The following RPS6KC1 variants were observed in gnomAD, a reference collection of about 807,000 sequenced individuals.
RPS6KC1 encodes the protein ribosomal protein S6 kinase C1, also known as inactive ribosomal protein S6 kinase delta-1.
RPS6KC1 carries 54 observed loss-of-function variants against 103.8 expected under a neutral mutation model. The observed-to-expected ratio is 0.52, with a 90% CI of 0.42 to 0.65. The LOEUF is 0.65. Among genes scored for constraint, RPS6KC1 ranks in the 30% least tolerant of loss-of-function variants. RPS6KC1 has a pLI of 0.00. For synonymous variants in RPS6KC1, 439 were observed against 438.7 expected, an observed-to-expected ratio of 1.00 and a Z score of -0.01; for missense variants, 1,151 against 1,253.8, an observed-to-expected ratio of 0.92 and a Z score of 1.24.
chr1:213,241,273 A>G lies in RPS6KC1; in HGVS notation c.1797A>G (p.Glu599=). 6.2e-7 allele frequency: 1 copy of G among 1,613,906 alleles called. No homozygotes were observed. Among genetic ancestry groups the G allele is most frequent in the South Asian group, 1.1e-5 (1 of 91,068 alleles). ...SLSRSKNSPM[E]FFRIDSKDSA... ...GTAGATCAAAAAATAGCCCCATGGA[A>G]TTCTTTAGGATAGACAGTAAGGATA... The change falls in exon 11 of 15, where the codon GAA becomes GAG. Residue 599 remains glutamate (E), a synonymous_variant. Transcript: ENST00000366960.
intron 6 of RPS6KC1, among the ~76,000 whole-genome samples, chr1:213,165,020 C>A (rs1392975829): frequency 6.6e-6 from 1 of 151,736 alleles, no homozygotes; most frequent in Non-Finnish European, 1.5e-5. Flanking sequence ...CAATTAAAAT[C>A]TGTTTAAAGT....
At chr1:213,125,528 C>T (rs2084880323) in intron 5 of RPS6KC1, among the ~76,000 whole-genome samples, 1 of 151,768 alleles carries the variant, frequency 6.6e-6, no homozygotes. Flanking sequence ...TTTTGATATG[C>T]ATTGGCAAAT....
At chr1:213,363,760 TTC>T in the RPS6KC1 span, among the ~76,000 whole-genome samples, 1 of 7,544 alleles carries the variant, frequency 1.3e-4, no homozygotes, top group Admixed American at 2.3e-3. Context: ...TCTTTCTCTC[TTC>T]TTTCTTTCTT....
chr1:213,690,253 T>A, the RPS6KC1 span, among the ~76,000 whole-genome samples: 5 of 152,308 alleles, frequency 3.3e-5, no homozygotes, highest in East Asian at 9.6e-4. Context: ...CTCAGAACAA[T>A]GCTCAAGAAA....
the RPS6KC1 span, among the ~76,000 whole-genome samples, chr1:213,331,318 C>T: frequency 6.6e-6 from 1 of 152,204 alleles, no homozygotes; most frequent in Non-Finnish European, 1.5e-5. Flanking sequence ...GGAGGGGTCT[C>T]CTTGTGCTGG....
chr1:213,170,548 T>G (rs757674608), intron 7 of RPS6KC1, among the ~76,000 whole-genome samples: 14 of 152,222 alleles, frequency 9.2e-5, no homozygotes, highest in Non-Finnish European at 1.3e-4. Flanking sequence ...GTTACACTGG[T>G]AAGAGCCATC....
the RPS6KC1 span, among the ~76,000 whole-genome samples, chr1:213,542,453 C>G: frequency 6.6e-6 from 1 of 152,192 alleles, no homozygotes; most frequent in Admixed American, 6.5e-5. Flanking sequence ...TGGTACAACA[C>G]AGGTGGCATC....
At chr1:213,676,701 C>T in the RPS6KC1 span, among the ~76,000 whole-genome samples, 6 of 152,294 alleles carry the variant, frequency 3.9e-5, no homozygotes, top group South Asian at 4.1e-4. Flanking sequence ...TGTGGAGCTA[C>T]GTTTAAAAGT....
the RPS6KC1 span, among the ~76,000 whole-genome samples, chr1:213,734,421 A>G: frequency 6.8e-6 from 1 of 146,168 alleles, no homozygotes; most frequent in African/African-American, 2.6e-5. Context: ...AGCTTTTACT[A>G]ATATGTTACA....
At chr1:213,492,768 G>T in the RPS6KC1 span, among the ~76,000 whole-genome samples, 1 of 152,162 alleles carries the variant, frequency 6.6e-6, no homozygotes, top group Non-Finnish European at 1.5e-5. Flanking sequence ...GAACAATTCT[G>T]TCCCCATGTT....
the RPS6KC1 span, among the ~76,000 whole-genome samples, chr1:213,796,634 G>T: frequency 6.6e-6 from 1 of 152,138 alleles, no homozygotes. Flanking sequence ...TCTTGTGGAC[G>T]TGAACATTTC....
At chr1:213,602,171 T>C in the RPS6KC1 span, among the ~76,000 whole-genome samples, 1 of 95,848 alleles carries the variant, frequency 1.0e-5, no homozygotes, top group East Asian at 3.1e-4. Flanking sequence ...TCTTTCTTTC[T>C]TTCTTTCTTT....
At chr1:213,623,912 G>C in the RPS6KC1 span, among the ~76,000 whole-genome samples, 4 of 152,182 alleles carry the variant, frequency 2.6e-5, no homozygotes, top group African/African-American at 7.2e-5. Flanking sequence ...GTCGCACTGG[G>C]CAGTGAGGGG....
the RPS6KC1 span, among the ~76,000 whole-genome samples, chr1:213,534,487 G>A: frequency 1.3e-5 from 2 of 152,100 alleles, no homozygotes; most frequent in Non-Finnish European, 2.9e-5. Context: ...GTAGAAAAAG[G>A]AGCAAGTTTT....
At chr1:213,385,121 A>G in the RPS6KC1 span, among the ~76,000 whole-genome samples, 391 of 152,330 alleles carry the variant, frequency 2.6e-3, no homozygotes, top group African/African-American at 9.1e-3. Context: ...TGATGCAATG[A>G]CAGCAGCAGT....
intron 4 of RPS6KC1, among the ~76,000 whole-genome samples, chr1:213,114,054 G>C (rs974583482): frequency 6.6e-5 from 10 of 151,754 alleles, no homozygotes; most frequent in Admixed American, 6.6e-4. Context: ...CTCTTTTTTG[G>C]TTCCATATGA....
chr1:213,597,168 C>T, the RPS6KC1 span, among the ~76,000 whole-genome samples: 1 of 152,130 alleles, frequency 6.6e-6, no homozygotes, highest in Non-Finnish European at 1.5e-5. Context: ...TTTGTGGTTT[C>T]TTTCATTGCT....
the RPS6KC1 span, among the ~76,000 whole-genome samples, chr1:213,666,121 T>C: frequency 6.6e-6 from 1 of 152,212 alleles, no homozygotes; most frequent in East Asian, 1.9e-4. Context: ...CAAGAGCTTA[T>C]AGTCTAAGAG....
the RPS6KC1 span, among the ~76,000 whole-genome samples, chr1:213,628,438 C>A: frequency 6.6e-6 from 1 of 151,956 alleles, no homozygotes; most frequent in Non-Finnish European, 1.5e-5. Context: ...CTGCTCTGAT[C>A]TGTTACTTCT....
Sources: allele counts gnomAD v4.1 joint callset (sites outside exome capture counted in the v4.1 genomes callset), GRCh38; gene constraint gnomAD v4.1.1; transcripts MANE v1.5; gene names NCBI Gene and HGNC (gene_info 2026-07-23, HGNC 2026-07-21).